ARHGAP44: variants seen among roughly 807,000 people sequenced by gnomAD.
ARHGAP44 encodes Rho GTPase activating protein 44, also known as rho GTPase-activating protein 44.
A neutral mutation model predicts 106.8 loss-of-function variants in ARHGAP44; 43 were observed. The ratio of observed to expected loss-of-function variants is 0.40; its 90% CI spans 0.32 to 0.52. The LOEUF (loss-of-function observed/expected upper bound fraction) is 0.52. Ranked by LOEUF, ARHGAP44 falls within the 20% of genes least tolerant of loss-of-function variation. ARHGAP44 has a pLI of 0.48. For missense variants in ARHGAP44, 866 were observed against 1,050.5 expected, an observed-to-expected ratio of 0.82 and a Z score of 2.43; for synonymous variants, 439 against 410.3, an observed-to-expected ratio of 1.07 and a Z score of -0.85.
intron 20 of ARHGAP44, chr17:12,986,813 TAA>T (rs1567726948): frequency 6.2e-6 from 2 of 323,386 alleles, no homozygotes; most frequent in East Asian, 9.9e-5. Context: ...CCCAGGGCTC[TAA>T]GAAGCGGAGT....
chr17:12,875,656 G>C (rs1416440888), intron 1 of ARHGAP44, among the ~76,000 whole-genome samples: 1 of 151,944 alleles, frequency 6.6e-6, no homozygotes, highest in Non-Finnish European at 1.5e-5. Flanking sequence ...TTTAAGAAAT[G>C]TATTAGGCTG....
At position 12,916,090 on chromosome 17, in the gene ARHGAP44, C is replaced by T; in HGVS notation, c.387+79C>T. 3.5e-6 allele frequency: 4 copies of T among 1,144,676 alleles called. 1 individual carries two copies. The South Asian group carries it at 5.5e-5, about 16-fold the overall frequency. The allele number at this position is 1,144,676 out of a possible 1,614,324, so 70.9% of individuals were successfully genotyped here. On this transcript the variant is annotated intron_variant, in intron 5 of 20. Coordinates refer to ENST00000379672, the MANE Select transcript of ARHGAP44 (RefSeq NM_014859.6). ...AGCCCCTCAATCATTCTGTTTCCAG[C>T]ATTCTACTTCTTTCCCTTAACCTTC...
At chr17:12,869,675 A>G (rs1318245624) in intron 1 of ARHGAP44, among the ~76,000 whole-genome samples, 1 of 152,208 alleles carries the variant, frequency 6.6e-6, no homozygotes, top group African/African-American at 2.4e-5. Context: ...TACATTTTAC[A>G]ATGTATGTAA....
At chr17:12,861,733 C>G (rs1394268378) in intron 1 of ARHGAP44, among the ~76,000 whole-genome samples, 1 of 147,894 alleles carries the variant, frequency 6.8e-6, no homozygotes, top group Non-Finnish European at 1.5e-5. Flanking sequence ...CTCCTGGGTT[C>G]AAGCGATTCT....
At chr17:12,903,681 T>C (rs1353456061) in intron 3 of ARHGAP44, among the ~76,000 whole-genome samples, 1 of 152,162 alleles carries the variant, frequency 6.6e-6, no homozygotes, top group Non-Finnish European at 1.5e-5. Flanking sequence ...TTTCTGATAT[T>C]TTGGTGCACC....
At chr17:12,946,299 A>G (rs1211581333) in intron 10 of ARHGAP44, among the ~76,000 whole-genome samples, 1 of 152,094 alleles carries the variant, frequency 6.6e-6, no homozygotes, top group Non-Finnish European at 1.5e-5. Flanking sequence ...ACATTATATC[A>G]TTTCATTTAT....
intron 19 of ARHGAP44, among the ~76,000 whole-genome samples, chr17:12,981,619 A>G (rs2039833106): frequency 2.0e-5 from 3 of 151,772 alleles, no homozygotes; most frequent in South Asian, 2.1e-4. Context: ...ACTGGTCTCG[A>G]ACTCCTGACC....
chr17:12,843,663 T>C (rs1165761531), intron 1 of ARHGAP44, among the ~76,000 whole-genome samples: 1 of 145,998 alleles, frequency 6.8e-6, no homozygotes, highest in Admixed American at 6.8e-5. Context: ...TTTTTTTTTT[T>C]TTTTTTTTTT....
chr17:12,985,924 G>C (rs905099398), intron 20 of ARHGAP44: 1 of 152,166 alleles, frequency 6.6e-6, no homozygotes, highest in East Asian at 1.9e-4. Flanking sequence ...TCAAAGAACA[G>C]TGCTGTCCTA....
chr17:12,790,020 TC>T, intron 1 of ARHGAP44, 129 bp downstream of exon 1: 2 of 874,940 alleles, frequency 2.3e-6, no homozygotes, highest in Non-Finnish European at 3.3e-6. Flanking sequence ...ACCAGCTCCC[TC>T]CAGGCGCCGC....
chr17:12,885,694 C>G (rs1031464647), intron 1 of ARHGAP44, among the ~76,000 whole-genome samples: 2 of 152,100 alleles, frequency 1.3e-5, no homozygotes, highest in East Asian at 3.9e-4. Context: ...TGATTTCTAG[C>G]CCATTTTAAA....
intron 1 of ARHGAP44, among the ~76,000 whole-genome samples, chr17:12,832,008 G>T (rs1472085971): frequency 6.6e-6 from 1 of 152,126 alleles, no homozygotes; most frequent in African/African-American, 2.4e-5. Flanking sequence ...TGAAGCCTAG[G>T]CCAGAAGAGT....
chr17:12,926,472 T>TAC (rs2038243488), intron 6 of ARHGAP44, among the ~76,000 whole-genome samples: 1 of 108,648 alleles, frequency 9.2e-6, no homozygotes, highest in South Asian at 3.2e-4. Flanking sequence ...ATATAATATA[T>TAC]ATAATATATA....
chr17:12,955,952 C>A lies in ARHGAP44; in HGVS notation c.1222C>A (p.Pro408Thr). The change falls in exon 14 of 21, where the codon CCC becomes ACC. Residue 408 changes from proline to threonine, a missense_variant. By Grantham distance (38) the Pro-to-Thr change is conservative (BLOSUM62 -1). Transcript: ENST00000379672. ...CAGTAATATGGCAATTGTTTTAGGACCCAACCTCCTATGGCCACAAGCAGA... is the reference window on the plus strand; with the variant it reads ...CAGTAATATGGCAATTGTTTTAGGAACCAACCTCCTATGGCCACAAGCAGA... ...TPSNMAIVLG[P>T]NLLWPQAEGN... 1 of 1,613,036 alleles carries A rather than the reference C, an allele frequency of 6.2e-7. No individual in the cohort carries two copies. Among genetic ancestry groups the A allele is most frequent in the Non-Finnish European group, 8.5e-7 (1 of 1,179,542 alleles).
At chr17:12,910,247 GTAGGGGAGGAA>G (rs2037684013) in intron 4 of ARHGAP44, among the ~76,000 whole-genome samples, 1 of 146,448 alleles carries the variant, frequency 6.8e-6, no homozygotes, top group Non-Finnish European at 1.5e-5. Context: ...AGATTGTGTT[GTAGGGGAGGAA>G]ACTTTTTTTT....
At chr17:12,813,312 T>G (rs561455947) in intron 1 of ARHGAP44, among the ~76,000 whole-genome samples, 3 of 151,756 alleles carry the variant, frequency 2.0e-5, no homozygotes, top group South Asian at 2.1e-4. Flanking sequence ...TTTGTTTTTT[T>G]TTTTTAGAAA....
chr17:12,961,193 T>G (rs2039252582), intron 16 of ARHGAP44, among the ~76,000 whole-genome samples: 1 of 152,156 alleles, frequency 6.6e-6, no homozygotes, highest in African/African-American at 2.4e-5. Flanking sequence ...CCACTGCAGA[T>G]GCATTGGAGT....
intron 6 of ARHGAP44, among the ~76,000 whole-genome samples, chr17:12,926,984 A>G (rs2038266897): frequency 6.6e-6 from 1 of 152,192 alleles, no homozygotes; most frequent in South Asian, 2.1e-4. Context: ...CTTTATTTGA[A>G]ATGATTCAAC....
At chr17:12,868,591 T>TTATA (rs1209692482) in intron 1 of ARHGAP44, among the ~76,000 whole-genome samples, 2,562 of 45,764 alleles carry the variant, frequency 0.056, 41 homozygotes, top group Middle Eastern at 0.09. Context: ...TATATGCATT[T>TTATA]TATATATATA....
Sources: allele counts gnomAD v4.1 joint callset (sites outside exome capture counted in the v4.1 genomes callset), GRCh38; gene constraint gnomAD v4.1.1; transcripts MANE v1.5; gene names NCBI Gene and HGNC (gene_info 2026-07-23, HGNC 2026-07-21).